The following ANO2 variants were observed in gnomAD, a reference collection of about 807,000 sequenced individuals.
ANO2 encodes the protein anoctamin-2.
In ANO2, 101 loss-of-function variants were observed where a neutral mutation model predicts 124.2. The ratio of observed to expected loss-of-function variants is 0.81; its 90% CI spans 0.69 to 0.96. The LOEUF (loss-of-function observed/expected upper bound fraction) is 0.96. Ranked by LOEUF, ANO2 falls within the 40% of genes least tolerant of loss-of-function variation. ANO2 has a pLI of 0.00. For missense variants in ANO2, 1,293 were observed against 1,274.5 expected (o/e 1.01, Z -0.22); for synonymous variants, 486 against 482.5 (o/e 1.01, Z -0.09).
At chr12:5,608,998 G>T (rs538899676) in intron 19 of ANO2, 1 of 152,204 alleles carries the variant, frequency 6.6e-6, no homozygotes, top group Non-Finnish European at 1.5e-5. Flanking sequence ...TTAGGATGAA[G>T]ACTTTTCTTT....
chr12:5,605,074 C>T (rs1311484468), intron 19 of ANO2, among the ~76,000 whole-genome samples: 1 of 152,076 alleles, frequency 6.6e-6, no homozygotes, highest in East Asian at 1.9e-4. Context: ...GGAATCTGGG[C>T]CCTAGACAGG....
intron 1 of ANO2, among the ~76,000 whole-genome samples, chr12:5,934,001 T>G (rs911340261): frequency 1.3e-5 from 2 of 152,216 alleles, no homozygotes; most frequent in African/African-American, 4.8e-5. Flanking sequence ...TGAGGAATCC[T>G]TTCTTGTGAG....
Position 5,807,388 on chromosome 12 carries a change from G to GA in ANO2, c.893-21dup, listed in dbSNP as rs71579286. 9 of 1,549,686 alleles carry GA rather than the reference G, an allele frequency of 5.8e-6. No individual in the cohort carries two copies. The highest frequency in any genetic ancestry group is 1.7e-4 in the Middle Eastern group (1 of 6,014). Reference sequence around the variant, plus strand: ...TAATACCTACGGAAGAAAGGGAGATGAAAATAGTAACTCTGGGGCAAGCGT... The same window carrying GA: ...TAATACCTACGGAAGAAAGGGAGATGAAAAATAGTAACTCTGGGGCAAGCGT... On this transcript the variant is annotated intron_variant, in intron 7 of 24. Transcript: ENST00000682330.
intron 1 of ANO2, among the ~76,000 whole-genome samples, chr12:5,923,247 TACACACACATACACAC>T (rs1268468947): frequency 2.3e-5 from 1 of 42,862 alleles, no homozygotes. Flanking sequence ...CACACACGCA[TACACACACATACACAC>T]ACACACACAC....
At chr12:5,814,844 A>T (rs1953552712) in intron 7 of ANO2, among the ~76,000 whole-genome samples, 1 of 152,272 alleles carries the variant, frequency 6.6e-6, no homozygotes, top group Non-Finnish European at 1.5e-5. Context: ...AATGACAAAG[A>T]GTCAAGAAAC....
intron 23 of ANO2, 71 bp downstream of exon 23, chr12:5,575,763 G>A (rs1303408343): frequency 3.4e-5 from 51 of 1,511,552 alleles, no homozygotes; most frequent in Non-Finnish European, 4.5e-5. Flanking sequence ...TGTAATTCTA[G>A]GTCGTCCCCG....
At chr12:5,682,963 G>C (rs1365074094) in intron 14 of ANO2, among the ~76,000 whole-genome samples, 1 of 152,172 alleles carries the variant, frequency 6.6e-6, no homozygotes, top group Non-Finnish European at 1.5e-5. Flanking sequence ...ACAGAGGAGT[G>C]GTGGTGACCA....
At position 5,746,212 on chromosome 12, in the gene ANO2, C is replaced by G. The variant is rs541907312; in HGVS notation, c.1191-1895G>C. 2.6e-5 allele frequency among the ~76,000 whole-genome samples: 4 copies of G among 152,278 alleles called. No individual in the cohort carries two copies. In the South Asian group the frequency reaches 8.3e-4, roughly 32 times the overall value. On this transcript the variant is annotated intron_variant, in intron 11 of 24. Transcript: ENST00000682330. ...TCAGGAATGAAAAACGTATTAGCAG[C>G]CAAGCGGGTGCAAAGCACTTTGAAA...
At chr12:5,861,414 C>T (rs1180872394) in intron 3 of ANO2, among the ~76,000 whole-genome samples, 1 of 152,004 alleles carries the variant, frequency 6.6e-6, no homozygotes, top group African/African-American at 2.4e-5. Context: ...AGGTCGCGCT[C>T]CTGGTGAAGT....
At chr12:5,825,511 C>T (rs549236426) in intron 7 of ANO2, among the ~76,000 whole-genome samples, 5 of 152,110 alleles carry the variant, frequency 3.3e-5, no homozygotes, top group African/African-American at 4.8e-5. Context: ...TTCTGCTGGC[C>T]TAGAGATCTT....
chr12:5,858,736 T>C (rs1955181888), intron 3 of ANO2: 1 of 152,248 alleles, frequency 6.6e-6, no homozygotes, highest in Non-Finnish European at 1.5e-5. Context: ...CAGGCATTAC[T>C]ATAGCGATTA....
At chr12:5,875,937 A>G (rs939684323) in intron 3 of ANO2, among the ~76,000 whole-genome samples, 5 of 152,154 alleles carry the variant, frequency 3.3e-5, no homozygotes, top group South Asian at 2.1e-4. Context: ...CCCATAGCCA[A>G]TGAAAAACGA....
chr12:5,682,805 C>T (rs1489235900), intron 14 of ANO2, among the ~76,000 whole-genome samples: 1 of 152,208 alleles, frequency 6.6e-6, no homozygotes, highest in African/African-American at 2.4e-5. Context: ...GGATCTGAAC[C>T]TTTAAGGAGC....
intron 16 of ANO2, among the ~76,000 whole-genome samples, chr12:5,633,684 TCC>T (rs1945851834): frequency 1.3e-5 from 2 of 152,094 alleles, no homozygotes; most frequent in African/African-American, 4.8e-5. Context: ...GGCACCGGGC[TCC>T]CCTGGCATCC....
intron 23 of ANO2, among the ~76,000 whole-genome samples, chr12:5,570,567 C>T (rs75333897): frequency 6.6e-6 from 1 of 152,236 alleles, no homozygotes; most frequent in East Asian, 1.9e-4. Context: ...GCTCAGATGT[C>T]CTCATCCTGT....
At chr12:5,882,948 G>C (rs1425800516) in intron 3 of ANO2, among the ~76,000 whole-genome samples, 1 of 152,134 alleles carries the variant, frequency 6.6e-6, no homozygotes, top group Admixed American at 6.5e-5. Flanking sequence ...AGAACTGAAT[G>C]GGGAGATATG....
At chr12:5,808,897 T>C (rs1953291417) in intron 7 of ANO2, among the ~76,000 whole-genome samples, 1 of 152,084 alleles carries the variant, frequency 6.6e-6, no homozygotes, top group African/African-American at 2.4e-5. Context: ...TTCCAGGACA[T>C]TGGATGGCAC....
At chr12:5,807,723 A>G (rs995613284) in intron 7 of ANO2, among the ~76,000 whole-genome samples, 1 of 152,190 alleles carries the variant, frequency 6.6e-6, no homozygotes. Flanking sequence ...GATCATTTTA[A>G]TCATGATCTA....
chr12:5,884,172 G>A (rs910991306), intron 3 of ANO2, among the ~76,000 whole-genome samples: 1 of 152,182 alleles, frequency 6.6e-6, no homozygotes, highest in African/African-American at 2.4e-5. Flanking sequence ...CAGTCAAGGT[G>A]CAAGGCAATA....
Sources: gnomAD v4.1 joint callset for allele counts (sites outside exome capture counted in the v4.1 genomes callset) on GRCh38, gnomAD v4.1.1 for gene constraint, MANE v1.5 for transcripts, NCBI Gene and HGNC (gene_info 2026-07-23, HGNC 2026-07-21) for gene names.